Variants in DNASE1 observed in about 807,000 individuals in gnomAD.
DNASE1 encodes deoxyribonuclease-1.
In DNASE1, 40 loss-of-function variants were observed where a neutral mutation model predicts 33.9. That is an observed-to-expected ratio of 1.18 (90% confidence interval 0.92 to 1.54). The LOEUF (loss-of-function observed/expected upper bound fraction) is 1.54. DNASE1 is among the 40% of genes most tolerant of loss of function. DNASE1 has a pLI of 0.00. For synonymous variants in DNASE1, 216 were observed against 160.0 expected (o/e 1.35, Z -2.64); for missense variants, 518 against 372.6 (o/e 1.39, Z -3.21).
At chr16:3,643,808 C>A (rs902311459) in intron 1 of DNASE1, among the ~76,000 whole-genome samples, 1 of 152,152 alleles carries the variant, frequency 6.6e-6, no homozygotes, top group African/African-American at 2.4e-5. Context: ...GTGGCCCAGG[C>A]TGGAGTGCAG....
exon 10 of DNASE1, chr16:3,663,359 C>T (rs1412140046): frequency 8.8e-6 from 14 of 1,594,488 alleles, no homozygotes; most frequent in Admixed American, 1.7e-5. Flanking sequence ...GCCCTCGCTG[C>T]GGGGCAGGAG....
chr16:3,627,294 A>C (rs1014589472), intron 1 of DNASE1, among the ~76,000 whole-genome samples: 1 of 141,808 alleles, frequency 7.1e-6, no homozygotes, highest in African/African-American at 2.6e-5. Flanking sequence ...TTTTTTTTAG[A>C]CAGGGTGGTC....
In DNASE1 at chr16:3,655,200, C is replaced by T. The variant is rs571439653; in HGVS notation, c.-2+156C>T. Among the ~76,000 whole-genome samples, 7 of 152,290 alleles carry T rather than the reference C, an allele frequency of 4.6e-5. No individual in the cohort carries two copies. The East Asian group carries it at 7.7e-4, about 17-fold the overall frequency. On this transcript the variant is annotated intron_variant, in intron 1 of 8. Transcript: ENST00000246949. ...TGGAGGAGTGACTCGGGGTCCTCTA[C>T]GTGGTGCCAGCTGTTTGGCTTTCTG...
downstream of DNASE1, chr16:3,658,216 G>A (rs2042831444): frequency 1.2e-6 from 2 of 1,613,800 alleles, no homozygotes; most frequent in African/African-American, 1.3e-5. Context: ...CAGCAATCAT[G>A]GCGTTCTCGT....
intron 1 of DNASE1, among the ~76,000 whole-genome samples, chr16:3,628,598 C>T (rs1165580670): frequency 1.3e-5 from 2 of 151,158 alleles, no homozygotes. Context: ...CGCTGTGTCG[C>T]CCAGGCTGGA....
In DNASE1 at chr16:3,657,928, A is replaced by C. The variant is rs1288779376; in HGVS notation, c.824A>C (p.Tyr275Ser). 2.5e-6 allele frequency: 4 copies of C among 1,613,194 alleles called. No individual in the cohort carries two copies. Among genetic ancestry groups the C allele is most frequent in the Non-Finnish European group, 3.4e-6 (4 of 1,179,168 alleles). Reference sequence around the variant, plus strand: ...CAGGCCCAAGCCATCAGTGACCACTATCCAGTGGAGGTGATGCTGAAGTGA... The same window carrying C: ...CAGGCCCAAGCCATCAGTGACCACTCTCCAGTGGAGGTGATGCTGAAGTGA... ...DQLAQAISDH[Y>S]PVEVMLK Residue 275 changes from tyrosine to serine, a missense_variant, in exon 9 of 9, where the codon TAT (tyrosine) becomes TCT (serine). Physicochemically the swap from Tyr to Ser is moderately radical, Grantham distance 144 (BLOSUM62 -2). Transcript: ENST00000246949.
At chr16:3,612,531 G>C (rs1350517681) in intron 1 of DNASE1, among the ~76,000 whole-genome samples, 1 of 147,074 alleles carries the variant, frequency 6.8e-6, no homozygotes, top group Non-Finnish European at 1.5e-5. Context: ...GATTACAGGC[G>C]TGAGCCACCG....
intron 1 of DNASE1, among the ~76,000 whole-genome samples, chr16:3,612,304 G>A (rs1322233835): frequency 6.6e-6 from 1 of 151,610 alleles, no homozygotes; most frequent in Non-Finnish European, 1.5e-5. Context: ...AGGCTGGGGT[G>A]CAGTGGCGCG....
downstream of DNASE1, chr16:3,659,915 A>G (rs2042973728): frequency 6.6e-6 from 1 of 151,960 alleles, no homozygotes; most frequent in Non-Finnish European, 1.5e-5. Flanking sequence ...ACCCCCAGCT[A>G]GTTTTTGTAT....
At chr16:3,623,627 A>G (rs1367784648) in intron 1 of DNASE1, among the ~76,000 whole-genome samples, 1 of 152,212 alleles carries the variant, frequency 6.6e-6, no homozygotes, top group Non-Finnish European at 1.5e-5. Context: ...AACAAGAAAA[A>G]AAAACCCATT....
At chr16:3,655,614 G>A in intron 2 of DNASE1, 94 bp downstream of exon 2, 2 of 1,586,174 alleles carry the variant, frequency 1.3e-6, no homozygotes, top group Non-Finnish European at 1.7e-6. Context: ...AGGGTGTCGG[G>A]TGTGGGGTAC....
At chr16:3,627,570 C>G (rs2041554538) in intron 1 of DNASE1, among the ~76,000 whole-genome samples, 1 of 152,144 alleles carries the variant, frequency 6.6e-6, no homozygotes, top group Non-Finnish European at 1.5e-5. Context: ...CCTGGCTTGT[C>G]TGTGTTTTCT....
intron 1 of DNASE1, among the ~76,000 whole-genome samples, chr16:3,618,712 A>G (rs978621629): frequency 3.9e-5 from 6 of 152,342 alleles, no homozygotes; most frequent in African/African-American, 1.4e-4. Flanking sequence ...CTGGGCAACA[A>G]GAATGAAACT....
At chr16:3,655,242 G>GT (rs1190022262) in intron 1 of DNASE1, 131 bp from the exon 2 acceptor site, 28 of 1,293,326 alleles carry the variant, frequency 2.2e-5, no homozygotes, top group Non-Finnish European at 3.0e-5. Flanking sequence ...GTAGGAAAGG[G>GT]TTTCCCCCGC....
rs202241186 is a variant in DNASE1, at chr16:3,628,565, C to CT, written c.-1358-12140dup. Among the ~76,000 whole-genome samples the CT allele has an allele frequency of 1.8e-3, 269 of 146,076 alleles. 2 individuals are homozygous for CT. Among genetic ancestry groups the CT allele is most frequent in the East Asian group, 0.014 (72 of 4,988 alleles). On this transcript the variant is annotated intron_variant and NMD_transcript_variant, in intron 1 of 11. Coordinates refer to the DNASE1 transcript ENST00000570769. ...AATGTGCATTTCTGTTTTTTTCTTT[C>CT]TTTTTTTTTTGAGATGGAATCTCGC...
Position 3,664,354 on chromosome 16 carries a change from T to C in DNASE1, c.*6401T>C, listed in dbSNP as rs572445356. ...CGGTTGGGGGCGCACAGGTAGTAGA[T>C]GTTGCGGGTGCCGGCCCGCATGCGG... On this transcript the variant is annotated 3_prime_UTR_variant, in exon 10 of 10. Coordinates refer to the DNASE1 transcript ENST00000407479. 5 of 1,613,032 alleles carry C rather than the reference T, an allele frequency of 3.1e-6. No individual in the cohort carries two copies. The East Asian group carries it at 8.9e-5, about 29-fold the overall frequency.
At chr16:3,626,643 C>A (rs1003126941) in intron 1 of DNASE1, among the ~76,000 whole-genome samples, 2 of 152,126 alleles carry the variant, frequency 1.3e-5, no homozygotes, top group Non-Finnish European at 2.9e-5. Context: ...TCAGTTAGAT[C>A]CAGTTGGTTG....
downstream of DNASE1, chr16:3,662,113 G>C: frequency 6.2e-7 from 1 of 1,612,856 alleles, no homozygotes; most frequent in South Asian, 1.1e-5. Flanking sequence ...GGCAGGGTGG[G>C]TGTCCAGTCG....
chr16:3,647,543 G>A (rs1246226629), intron 1 of DNASE1, among the ~76,000 whole-genome samples: 1 of 151,996 alleles, frequency 6.6e-6, no homozygotes, highest in Non-Finnish European at 1.5e-5. Context: ...CAAAGTGCTG[G>A]GATTACAGGC....
Sources: allele counts gnomAD v4.1 joint callset (sites outside exome capture counted in the v4.1 genomes callset), GRCh38; gene constraint gnomAD v4.1.1; transcripts MANE v1.5; gene names NCBI Gene and HGNC (gene_info 2026-07-23, HGNC 2026-07-21).